Variants in DLEC1 observed in about 807,000 individuals in gnomAD.
DLEC1 encodes deleted in lung and esophageal cancer protein 1.
In DLEC1, 146 loss-of-function variants were observed where a neutral mutation model predicts 198.1. The ratio of observed to expected loss-of-function variants is 0.74; its 90% CI spans 0.64 to 0.85. The LOEUF (loss-of-function observed/expected upper bound fraction) is 0.85. Ranked by LOEUF, DLEC1 falls within the 40% of genes least tolerant of loss-of-function variation. The pLI is 0.00. For missense variants in DLEC1, 2,233 were observed against 2,220.0 expected (o/e 1.01, Z -0.12); for synonymous variants, 897 against 866.8 (o/e 1.03, Z -0.61).
At chr3:38,082,923 C>T (rs762053072) in intron 6 of DLEC1, among the ~76,000 whole-genome samples, 2 of 152,180 alleles carry the variant, frequency 1.3e-5, no homozygotes, top group African/African-American at 2.4e-5. Context: ...GCTGCCTTCC[C>T]AGTCCGTGAC....
intron 25 of DLEC1, among the ~76,000 whole-genome samples, chr3:38,113,176 ATAAT>A (rs967764790): frequency 6.6e-6 from 1 of 152,248 alleles, no homozygotes; most frequent in Non-Finnish European, 1.5e-5. Context: ...ACCACCACTG[ATAAT>A]TAAAGAAATG....
At chr3:38,099,163 T>A (rs1261768788) in intron 18 of DLEC1, among the ~76,000 whole-genome samples, 1 of 152,222 alleles carries the variant, frequency 6.6e-6, no homozygotes, top group African/African-American at 2.4e-5. Context: ...CCCATCCTGC[T>A]TCTCCCCACA....
At chr3:38,096,468 G>GTTT in intron 14 of DLEC1, 101 bp from the exon 15 acceptor site, 2 of 1,220,390 alleles carry the variant, frequency 1.6e-6, no homozygotes, top group Non-Finnish European at 2.2e-6. Context: ...GTTAGGCAGT[G>GTTT]TTTTTTTTTT....
chr3:38,073,949 G>C (rs1208813489), intron 6 of DLEC1, among the ~76,000 whole-genome samples: 1 of 152,232 alleles, frequency 6.6e-6, no homozygotes, highest in Non-Finnish European at 1.5e-5. Flanking sequence ...GCAGATCTGG[G>C]AAGGAGTCGG....
At chr3:38,082,796 G>A (rs981706443) in intron 6 of DLEC1, among the ~76,000 whole-genome samples, 12 of 152,082 alleles carry the variant, frequency 7.9e-5, no homozygotes, top group African/African-American at 1.9e-4. Flanking sequence ...CCAGAAAAGC[G>A]GGACTTGCCG....
intron 35 of DLEC1, 41 bp from the exon 36 acceptor site, chr3:38,122,030 G>A: frequency 6.2e-7 from 1 of 1,607,538 alleles, no homozygotes; most frequent in African/African-American, 1.3e-5. Flanking sequence ...GAGTACATGG[G>A]GCTGCCTGCA....
chr3:38,117,303 GT>G lies in DLEC1; in HGVS notation c.4400+2del. The G allele has an allele frequency of 6.2e-7, 1 of 1,613,988 alleles. No individual in the cohort carries two copies. The highest frequency in any genetic ancestry group is 8.5e-7 in the Non-Finnish European group (1 of 1,179,918). ...TGCATAGCTACGTGAGGCCTGCACA[GT>G]GAGTCAGCTGGGGTGCCCCATCTCC... On this transcript the variant is annotated splice_donor_variant, in intron 31 of 36. Transcript: ENST00000308059. LOFTEE classifies it high-confidence loss of function.
rs762399849 is a variant in DLEC1 at position 38,117,810 on chromosome 3, T to C, written c.4490T>C (p.Leu1497Pro). The C allele has an allele frequency of 1.9e-6, 3 of 1,613,224 alleles. No homozygotes were observed. Among genetic ancestry groups the C allele is most frequent in the Non-Finnish European group, 2.5e-6 (3 of 1,179,558 alleles). The change falls in exon 33 of 37, where the codon CTG (leucine) becomes CCG (proline). Residue 1497 changes from leucine to proline, a missense_variant. Leu to Pro is a moderately conservative substitution (Grantham distance 98). Transcript: ENST00000308059. The part of the protein sequence containing the change: ...LIPEQPCSGV[L>P]SELVTTHHLK... Reference sequence around the variant, plus strand: ...CCTACCTCTGTGGCTGCCCAGGTGCTGAGTGAGCTGGTGACCACCCACCAC... The same window carrying C: ...CCTACCTCTGTGGCTGCCCAGGTGCCGAGTGAGCTGGTGACCACCCACCAC...
chr3:38,094,160 T>A (rs1193612725), intron 12 of DLEC1, among the ~76,000 whole-genome samples: 1 of 152,146 alleles, frequency 6.6e-6, no homozygotes, highest in Admixed American at 6.5e-5. Context: ...ACCATGCCTG[T>A]GTAGGGGAAG....
chr3:38,111,837 G>A (rs551938270), intron 24 of DLEC1, 90 bp downstream of exon 24: 55 of 1,447,168 alleles, frequency 3.8e-5, no homozygotes, highest in African/African-American at 3.0e-4. Context: ...GCCAGGGAGC[G>A]GGACCAGGAC....
In DLEC1 at chr3:38,123,216, T is replaced by C. The variant is rs1363606934; in HGVS notation, c.*804T>C. On this transcript the variant is annotated 3_prime_UTR_variant, in exon 37 of 37. Coordinates refer to ENST00000308059, the MANE Select transcript of DLEC1 (RefSeq NM_007335.4). ...AGAAGGACGTCATGGACAAGTAGGA[T>C]GCAAAACCATCAGACCAGATCTGTG... is the stretch of plus-strand genomic sequence containing the variant. The C allele has an allele frequency of 1.6e-6, 2 of 1,248,518 alleles. No homozygotes were observed. The highest frequency in any genetic ancestry group is 1.9e-4 in the Middle Eastern group (1 of 5,380). The allele number at this position is 1,248,518 out of a possible 1,614,324, so 77.3% of individuals were successfully genotyped here.
chr3:38,102,956 C>T (rs994398003), intron 19 of DLEC1, among the ~76,000 whole-genome samples: 1 of 152,214 alleles, frequency 6.6e-6, no homozygotes, highest in Non-Finnish European at 1.5e-5. Context: ...AATACTGTGG[C>T]AGCCCAGTCT....
At chr3:38,065,327 G>A (rs561721926) in intron 6 of DLEC1, among the ~76,000 whole-genome samples, 2 of 149,934 alleles carry the variant, frequency 1.3e-5, no homozygotes, top group South Asian at 4.2e-4. Context: ...GGGAGACCGT[G>A]CAGAGGGAGA....
intron 6 of DLEC1, among the ~76,000 whole-genome samples, chr3:38,069,311 C>G (rs1399529302): frequency 6.6e-6 from 1 of 152,120 alleles, no homozygotes; most frequent in East Asian, 1.9e-4. Context: ...ATGAAACATT[C>G]GAGCTATTCC....
chr3:38,121,338 C>T (rs1167969188), intron 34 of DLEC1, among the ~76,000 whole-genome samples: 1 of 152,230 alleles, frequency 6.6e-6, no homozygotes, highest in African/African-American at 2.4e-5. Flanking sequence ...ACAGGAGGAG[C>T]AGTGAAGGAG....
Position 38,117,015 on chromosome 3 carries a change from T to TCACC in DLEC1, c.4222_4225dup (p.Pro1409HisfsTer8), listed in dbSNP as rs1700210040. On this transcript the variant is annotated frameshift_variant, in exon 30 of 37. Transcript: ENST00000308059. LOFTEE classifies it high-confidence loss of function. ...GGCAGCAGTACCATCTACATCTCCT[T>TCACC]CACCCCTATGGTGCTCAGCCCTGAG... 6.2e-7 allele frequency: 1 copy of TCACC among 1,613,872 alleles called. No individual in the cohort carries two copies. Among genetic ancestry groups the TCACC allele is most frequent in the Non-Finnish European group, 8.5e-7 (1 of 1,179,960 alleles).
chr3:38,039,513 C>T lies in DLEC1; in HGVS notation c.288C>T (p.Leu96=). The change falls in exon 1 of 37, where the codon CTC becomes CTT. Residue 96 remains leucine (L), a synonymous_variant. Transcript: ENST00000308059. The part of the protein sequence containing the change: ...SLRTQDISHL[L]TGVFRNLYSA... ...GCACCCAAGATATCTCGCACTTGCT[C>T]ACCGGCGTCTTCCGCAACTTGTACT... 1 of 1,614,054 alleles carries T rather than the reference C, an allele frequency of 6.2e-7. No individual in the cohort carries two copies. The highest frequency in any genetic ancestry group is 8.5e-7 in the Non-Finnish European group (1 of 1,179,924).
intron 1 of DLEC1, among the ~76,000 whole-genome samples, chr3:38,041,979 C>T (rs1700680600): frequency 6.6e-6 from 1 of 151,654 alleles, no homozygotes; most frequent in African/African-American, 2.4e-5. Context: ...TAGACAAACA[C>T]AGCTGCCATT....
At chr3:38,076,195 G>A (rs1697607983) in intron 6 of DLEC1, among the ~76,000 whole-genome samples, 1 of 152,222 alleles carries the variant, frequency 6.6e-6, no homozygotes. Flanking sequence ...GAGGGAGGTT[G>A]GAGAAGAGAG....
Sources: gnomAD v4.1 joint callset for allele counts (sites outside exome capture counted in the v4.1 genomes callset) on GRCh38, gnomAD v4.1.1 for gene constraint, MANE v1.5 for transcripts, NCBI Gene and HGNC (gene_info 2026-07-23, HGNC 2026-07-21) for gene names.